MPDU1: variants seen among roughly 807,000 people sequenced by gnomAD.
MPDU1 encodes mannose-P-dolichol utilization defect 1.
In MPDU1, 18 loss-of-function variants were observed where a neutral mutation model predicts 27.6. That is an observed-to-expected ratio of 0.65 (90% confidence interval 0.45 to 0.97). The LOEUF is 0.97. Among genes scored for constraint, MPDU1 ranks in the 50% least tolerant of loss-of-function variants. The pLI, the probability that MPDU1 is intolerant of heterozygous loss-of-function variation, is 0.00. For synonymous variants in MPDU1, 142 were observed against 131.1 expected (o/e 1.08, Z -0.57); for missense variants, 279 against 297.4 (o/e 0.94, Z 0.46).
intron 1 of MPDU1, among the ~76,000 whole-genome samples, chr17:7,584,591 G>T (rs889022582): frequency 2.6e-5 from 4 of 152,216 alleles, no homozygotes; most frequent in African/African-American, 9.7e-5. Context: ...TTGAGGGGAA[G>T]GCTTCAAGGC....
chr17:7,585,904 A>G, intron 2 of MPDU1, 42 bp from the exon 3 acceptor site: 1 of 1,614,020 alleles, frequency 6.2e-7, no homozygotes, highest in African/African-American at 1.3e-5. Flanking sequence ...CATCCCAAAG[A>G]ATGGAGAGTC....
chr17:7,585,583 C>G, intron 1 of MPDU1, 149 bp from the exon 2 acceptor site: 1 of 705,482 alleles, frequency 1.4e-6, no homozygotes, highest in Non-Finnish European at 2.5e-6. Context: ...AGGACCAGGA[C>G]TTTCTCACTG....
Position 7,587,652 on chromosome 17 carries a change from C to T in MPDU1, c.*101C>T, listed in dbSNP as rs937440050. On this transcript the variant is annotated 3_prime_UTR_variant, in exon 7 of 7. Coordinates refer to ENST00000250124, the MANE Select transcript of MPDU1 (RefSeq NM_004870.4). ...GGTGTGACTTACTCATCCTCCATTC[C>T]TCTGCACTTGCAGACTTTCTGAGCC... is the stretch of plus-strand genomic sequence containing the variant. The T allele has an allele frequency of 4.0e-6, 6 of 1,515,080 alleles. No individual in the cohort carries two copies. The highest frequency in any genetic ancestry group is 5.5e-6 in the Non-Finnish European group (6 of 1,094,388). The allele number at this position is 1,515,080 out of a possible 1,614,324, so 93.9% of individuals were successfully genotyped here.
chr17:7,587,018 G>A lies in MPDU1; in HGVS notation c.507+1G>A. ...TGTGCCTGCTGTGGTGGTGGGGAGG[G>A]TGGGTACCAGGAGCAAGGGACAAGA... On this transcript the variant is annotated splice_donor_variant, in intron 5 of 6. Coordinates refer to ENST00000250124, the MANE Select transcript of MPDU1 (RefSeq NM_004870.4). LOFTEE classifies it high-confidence loss of function. 1.9e-6 allele frequency: 3 copies of A among 1,610,158 alleles called. No homozygotes were observed. The highest frequency in any genetic ancestry group is 2.5e-6 in the Non-Finnish European group (3 of 1,177,768).
At chr17:7,586,139 G>A (rs1335931628) in intron 3 of MPDU1, 61 bp downstream of exon 3, 2 of 1,602,692 alleles carry the variant, frequency 1.2e-6, no homozygotes, top group African/African-American at 2.7e-5. Context: ...GGATTAAGGT[G>A]AAGGAGGTTA....
At position 7,587,289 on chromosome 17, in the gene MPDU1, C is replaced by T. The variant is rs1360775840; in HGVS notation, c.618+18C>T. On this transcript the variant is annotated intron_variant, in intron 6 of 6. Coordinates refer to ENST00000250124, the MANE Select transcript of MPDU1 (RefSeq NM_004870.4). ...CCATTCAGGTGAGTGCAACATCTTCCTTCTAGAAGGCACTAAAACCTCGTC... is the reference window on the plus strand; with the variant it reads ...CCATTCAGGTGAGTGCAACATCTTCTTTCTAGAAGGCACTAAAACCTCGTC... The T allele has an allele frequency of 6.2e-7, 1 of 1,613,370 alleles. No individual in the cohort carries two copies. The highest frequency in any genetic ancestry group is 2.2e-5 in the East Asian group (1 of 44,862).
intron 3 of MPDU1, 55 bp from the exon 4 acceptor site, chr17:7,586,637 T>C (rs2071587356): frequency 6.6e-7 from 1 of 1,506,834 alleles, no homozygotes; most frequent in Admixed American, 1.7e-5. Context: ...CTATGGAGGC[T>C]TTCCCTGCCT....
rs780661968 is a variant in MPDU1 at position 7,586,920 on chromosome 17, A to G, written c.410A>G (p.Tyr137Cys). The G allele has an allele frequency of 1.2e-6, 2 of 1,613,822 alleles. No homozygotes were observed. The highest frequency in any genetic ancestry group is 2.7e-5 in the African/African-American group (2 of 74,820). The stretch of plus-strand genomic sequence containing the variant: ...CTAGGTGTCGCTTTCCTCGCTTGCT[A>G]CGGCCTGGTCCTGCTGGTGCTTCTC... ...TVKGVAFLACYGLVLLVLLSP... is the reference protein window; with the variant it reads ...TVKGVAFLACCGLVLLVLLSP... Residue 137 changes from tyrosine to cysteine, a missense_variant, in exon 5 of 7, where the codon TAC becomes TGC. Transcript: ENST00000250124.
At chr17:7,584,549 G>T (rs2071548405) in intron 1 of MPDU1, among the ~76,000 whole-genome samples, 1 of 152,176 alleles carries the variant, frequency 6.6e-6, no homozygotes, top group African/African-American at 2.4e-5. Context: ...TTCATGACCC[G>T]TGAGAGTCAG....
chr17:7,584,586 G>A lies in MPDU1; in HGVS notation c.103+621G>A, dbSNP rs1366533830. Among the ~76,000 whole-genome samples the A allele has an allele frequency of 3.3e-5, 5 of 152,212 alleles. No homozygotes were observed. The South Asian group carries it at 1.0e-3, about 32-fold the overall frequency. On this transcript the variant is annotated intron_variant, in intron 1 of 6. Transcript: ENST00000250124. Reference sequence around the variant, plus strand: ...CTCCCACTAGACCAAGTTCCTTGAGGGGAAGGCTTCAAGGCTAGAGAAGTT... The same window carrying A: ...CTCCCACTAGACCAAGTTCCTTGAGAGGAAGGCTTCAAGGCTAGAGAAGTT...
upstream of MPDU1, chr17:7,583,843 G>A: frequency 6.2e-7 from 1 of 1,613,426 alleles, no homozygotes; most frequent in Non-Finnish European, 8.5e-7. Context: ...GGAGAGACTG[G>A]CGGAAGCTAG....
rs1409333737 is a variant in MPDU1 at position 7,587,961 on chromosome 17, AGGCTGTGGCTGCCTCCCTCCCTCAGCCC to A, written c.*416_*443del. The A allele has an allele frequency of 2.1e-6, 1 of 476,896 alleles. No individual in the cohort carries two copies. The highest frequency in any genetic ancestry group is 4.1e-6 in the Non-Finnish European group (1 of 242,392). The allele number at this position is 476,896 out of a possible 1,614,324, so 29.5% of individuals were successfully genotyped here. On this transcript the variant is annotated 3_prime_UTR_variant, in exon 7 of 7. Coordinates refer to ENST00000250124, the MANE Select transcript of MPDU1 (RefSeq NM_004870.4). Reference sequence around the variant, plus strand: ...TGGACGGCAGAGTGGAGGGACTGGGAGGCTGTGGCTGCCTCCCTCCCTCAGCCCGGCTGGGACTGTCTCCCGGACCCCA... The same window carrying A: ...TGGACGGCAGAGTGGAGGGACTGGGAGGCTGGGACTGTCTCCCGGACCCCA...
chr17:7,583,747 AC>A (rs780172019), upstream of MPDU1: 2 of 1,061,050 alleles, frequency 1.9e-6, no homozygotes, highest in Admixed American at 1.7e-5. Context: ...AGAGCGGGGC[AC>A]GGGGCGGGCC....
Position 7,587,668 on chromosome 17 carries a change from T to C in MPDU1, c.*117T>C. On this transcript the variant is annotated 3_prime_UTR_variant, in exon 7 of 7. Coordinates refer to ENST00000250124, the MANE Select transcript of MPDU1 (RefSeq NM_004870.4). ...CCTCCATTCCTCTGCACTTGCAGAC[T>C]TTCTGAGCCAGGGTTTTCTTTTAGT... The C allele has an allele frequency of 7.1e-7, 1 of 1,418,068 alleles. No homozygotes were observed. The highest frequency in any genetic ancestry group is 9.9e-7 in the Non-Finnish European group (1 of 1,011,312). The allele number at this position is 1,418,068 out of a possible 1,614,324, so 87.8% of individuals were successfully genotyped here.
chr17:7,583,703 T>C (rs766219157), upstream of MPDU1: 13 of 820,752 alleles, frequency 1.6e-5, no homozygotes, highest in South Asian at 1.3e-4. Flanking sequence ...AGACTTATTT[T>C]ACGCCACTAG....
At chr17:7,584,124 A>C in intron 1 of MPDU1, 159 bp downstream of exon 1, 1 of 749,844 alleles carries the variant, frequency 1.3e-6, no homozygotes, top group Admixed American at 2.0e-5. Flanking sequence ...GGCTCCTTAG[A>C]GGGAGGACAC....
At chr17:7,586,240 G>C (rs527423020) in intron 3 of MPDU1, 162 bp downstream of exon 3, 1 of 810,098 alleles carries the variant, frequency 1.2e-6, no homozygotes, top group African/African-American at 1.7e-5. Flanking sequence ...GAGGTCAGGA[G>C]TTCGAACTGG....
intron 4 of MPDU1, 46 bp downstream of exon 4, chr17:7,586,823 C>T: frequency 6.2e-7 from 1 of 1,611,642 alleles, no homozygotes; most frequent in South Asian, 1.1e-5. Context: ...TCCTGGGAAC[C>T]CTGCTGGGAA....
At chr17:7,583,788 G>T (rs573162942), upstream of MPDU1, 26 of 1,473,678 alleles carry the variant, frequency 1.8e-5, no homozygotes, top group Admixed American at 3.3e-4. Context: ...AACGGGAGGC[G>T]GAGTGTCCGC....
Sources: allele counts gnomAD v4.1 joint callset (sites outside exome capture counted in the v4.1 genomes callset), GRCh38; gene constraint gnomAD v4.1.1; transcripts MANE v1.5; gene names NCBI Gene and HGNC (gene_info 2026-07-23, HGNC 2026-07-21).